MRPL40: variants seen among roughly 807,000 people sequenced by gnomAD.
MRPL40 encodes the protein large ribosomal subunit protein mL40.
A neutral mutation model predicts 24.5 loss-of-function variants in MRPL40; 18 were observed. The ratio of observed to expected loss-of-function variants is 0.73; its 90% CI spans 0.51 to 1.09. The LOEUF is 1.09. Among genes scored for constraint, MRPL40 ranks in the 50% least tolerant of loss-of-function variants. The probability of loss-of-function intolerance (pLI) is 0.00; values close to 1 mark genes in which losing one functional copy is unlikely to be tolerated. For missense variants in MRPL40, 256 were observed against 243.8 expected (o/e 1.05, Z -0.33); for synonymous variants, 108 against 94.6 (o/e 1.14, Z -0.82).
intron 2 of MRPL40, among the ~76,000 whole-genome samples, chr22:19,433,769 TC>T (rs1376599487): frequency 1.3e-5 from 2 of 150,192 alleles, no homozygotes; most frequent in African/African-American, 4.9e-5. Context: ...ATTTGATTTT[TC>T]TTTTTTTTTT....
intron 3 of MRPL40, among the ~76,000 whole-genome samples, chr22:19,435,226 C>T (rs1423486001): frequency 1.3e-5 from 2 of 152,192 alleles, no homozygotes; most frequent in Admixed American, 1.3e-4. Flanking sequence ...CTCATCCTAA[C>T]AGTAGAAAAC....
Position 19,436,068 on chromosome 22 carries a change from A to T in MRPL40, c.*106A>T. 9.9e-7 allele frequency: 1 copy of T among 1,013,182 alleles called. No homozygotes were observed. Among genetic ancestry groups the T allele is most frequent in the South Asian group, 1.7e-5 (1 of 60,362 alleles). The allele number at this position is 1,013,182 out of a possible 1,614,324, so 62.8% of individuals were successfully genotyped here. ...GCATGCTGTTAATAAATACTGGTTTAATCAAAATGCTCCTTTGTCTTGTGT... is the reference window on the plus strand; with the variant it reads ...GCATGCTGTTAATAAATACTGGTTTTATCAAAATGCTCCTTTGTCTTGTGT... On this transcript the variant is annotated 3_prime_UTR_variant, in exon 4 of 4. Transcript: ENST00000333130.
In MRPL40 at chr22:19,435,722, A is replaced by G; in HGVS notation, c.381A>G (p.Gln127=). 6.2e-7 allele frequency: 1 copy of G among 1,614,118 alleles called. No homozygotes were observed. Among genetic ancestry groups the G allele is most frequent in the Non-Finnish European group, 8.5e-7 (1 of 1,179,996 alleles). The change falls in exon 4 of 4, where the codon CAA becomes CAG. Residue 127 remains glutamine (Q), a synonymous_variant. Coordinates refer to ENST00000333130, the MANE Select transcript of MRPL40 (RefSeq NM_003776.4). ...LLKKWSLYKQ[Q]ERKMERDTIR... is the part of the protein sequence containing the mutation. ...AGAAGTGGTCCTTGTACAAGCAGCA[A>G]GAGCGTAAGATGGAGAGGGACACCA...
chr22:19,433,665 A>T (rs2089566750), intron 2 of MRPL40, among the ~76,000 whole-genome samples: 1 of 152,132 alleles, frequency 6.6e-6, no homozygotes, highest in South Asian at 2.1e-4. Context: ...GAGGCCCTGG[A>T]GAGTGTGGGG....
rs773331770 is a variant in MRPL40 at position 19,435,636 on chromosome 22, A to T, written c.297-2A>T. ...GATTGGTAACCCTTAGCTTCTTTGC[A>T]GAGAGCGGCCTCAGGTGGAGCTCAC... On this transcript the variant is annotated splice_acceptor_variant, in intron 3 of 3. Transcript: ENST00000333130. LOFTEE classifies it high-confidence loss of function. 1 of 1,608,962 alleles carries T rather than the reference A, an allele frequency of 6.2e-7. No homozygotes were observed. The highest frequency in any genetic ancestry group is 8.5e-7 in the Non-Finnish European group (1 of 1,177,114).
At chr22:19,434,672 C>T in intron 2 of MRPL40, 64 bp from the exon 3 acceptor site, 1 of 1,390,662 alleles carries the variant, frequency 7.2e-7, no homozygotes, top group Middle Eastern at 2.6e-4. Flanking sequence ...TACTTACCAT[C>T]TTGTCTCTCA....
intron 1 of MRPL40, chr22:19,432,899 T>C: frequency 7.8e-7 from 1 of 1,274,572 alleles, no homozygotes; most frequent in Non-Finnish European, 1.0e-6. Flanking sequence ...ATTGCAATTT[T>C]TTATTTTCCT....
rs150806674 is a variant in MRPL40 at position 19,435,806 on chromosome 22, G to A, written c.465G>A (p.Pro155=). 190 of 1,614,042 alleles carry A rather than the reference G, an allele frequency of 1.2e-4. No homozygotes were observed. Among genetic ancestry groups the A allele is most frequent in the Non-Finnish European group, 1.4e-4 (167 of 1,180,038 alleles). ...TGGAGGAACTGCAACTGGAATCCCC[G>A]AAGCTCCATGCTGAGGCCATCAAGC... The part of the protein sequence containing the change: ...EALEELQLES[P]KLHAEAIKRD... The change falls in exon 4 of 4, where the codon CCG becomes CCA. Residue 155 remains proline, a synonymous_variant. Transcript: ENST00000333130.
Position 19,434,895 on chromosome 22 carries a change from G to A in MRPL40, c.296+1G>A. The A allele has an allele frequency of 1.9e-6, 3 of 1,585,454 alleles. No individual in the cohort carries two copies. The highest frequency in any genetic ancestry group is 2.6e-6 in the Non-Finnish European group (3 of 1,171,642). ...CTCTAAAGTTCTTGGATAAAGCAAGGTAAGGATCCTTCTCTAGGGATGAAG... is the reference window on the plus strand; with the variant it reads ...CTCTAAAGTTCTTGGATAAAGCAAGATAAGGATCCTTCTCTAGGGATGAAG... On this transcript the variant is annotated splice_donor_variant, in intron 3 of 3. Transcript: ENST00000333130. LOFTEE classifies it high-confidence loss of function.
At chr22:19,434,630 C>A in intron 2 of MRPL40, 106 bp from the exon 3 acceptor site, 2 of 880,320 alleles carry the variant, frequency 2.3e-6, no homozygotes, top group Non-Finnish European at 3.4e-6. Context: ...TCATGCACAG[C>A]TCCTTCCCCC....
At chr22:19,433,171 CG>C in intron 1 of MRPL40, 93 bp from the exon 2 acceptor site, 1 of 790,898 alleles carries the variant, frequency 1.3e-6, no homozygotes, top group Non-Finnish European at 2.1e-6. Flanking sequence ...GCGATCCACC[CG>C]CCTCGGCCTC....
chr22:19,435,536 ATCT>A, intron 3 of MRPL40, 99 bp from the exon 4 acceptor site: 1 of 1,106,728 alleles, frequency 9.0e-7, no homozygotes, highest in Non-Finnish European at 1.3e-6. Context: ...AACTTGTTTT[ATCT>A]CCTAAGTCCT....
intron 1 of MRPL40, 188 bp downstream of exon 1, chr22:19,432,795 A>G (rs1055514855): frequency 2.2e-6 from 3 of 1,386,460 alleles, no homozygotes; most frequent in Non-Finnish European, 2.8e-6. Context: ...GTCCTGCTTA[A>G]GTCCTCTGTG....
Position 19,435,941 on chromosome 22 carries a change from A to AC in MRPL40, c.601dup (p.Gln201ProfsTer5), listed in dbSNP as rs1165979481. The AC allele has an allele frequency of 3.1e-6, 5 of 1,613,832 alleles. No individual in the cohort carries two copies. Among genetic ancestry groups the AC allele is most frequent in the Non-Finnish European group, 4.2e-6 (5 of 1,179,794 alleles). Reference sequence around the variant, plus strand: ...ACAATGACATCACCAAGGTGTACACACAAGTGGAGTTTAAGAGATAGACTT... The same window carrying AC: ...ACAATGACATCACCAAGGTGTACACACCAAGTGGAGTTTAAGAGATAGACTT... On this transcript the variant is annotated frameshift_variant, in exon 4 of 4. Coordinates refer to ENST00000333130, the MANE Select transcript of MRPL40 (RefSeq NM_003776.4). LOFTEE classifies it high-confidence loss of function.
rs755342136 is a variant in MRPL40, at chr22:19,435,712, A to G, written c.371A>G (p.Tyr124Cys). ...CTGCTTCTGAAGAAGTGGTCCTTGT[A>G]CAAGCAGCAAGAGCGTAAGATGGAG... The part of the protein sequence containing the change: ...RALLLKKWSL[Y>C]KQQERKMERD... The change falls in exon 4 of 4, where the codon TAC becomes TGC. Residue 124 changes from tyrosine (Y) to cysteine (C), a missense_variant. Transcript: ENST00000333130. 1.9e-6 allele frequency: 3 copies of G among 1,614,150 alleles called. No individual in the cohort carries two copies. The highest frequency in any genetic ancestry group is 2.5e-6 in the Non-Finnish European group (3 of 1,180,036).
Position 19,433,496 on chromosome 22 carries a change from T to C in MRPL40, c.137+148T>C. On this transcript the variant is annotated intron_variant, in intron 2 of 3. Transcript: ENST00000333130. ...ATTTAGGCCGATGCTTTTCTGTTTT[T>C]CCAACATTTTCCAAACCATAGATTG... 4 of 560,728 alleles carry C rather than the reference T, an allele frequency of 7.1e-6. No individual in the cohort carries two copies. The South Asian group carries it at 8.0e-5, about 11-fold the overall frequency. The allele number at this position is 560,728 out of a possible 1,614,324, so 34.7% of individuals were successfully genotyped here.
intron 3 of MRPL40, among the ~76,000 whole-genome samples, chr22:19,435,132 G>A (rs9617792): frequency 0.086 from 13,164 of 152,208 alleles, 1,889 homozygotes; most frequent in African/African-American, 0.3. Context: ...CTTAAGCACT[G>A]CTCTGGAGTT....
At chr22:19,435,020 A>G in intron 3 of MRPL40, 126 bp downstream of exon 3, 1 of 801,572 alleles carries the variant, frequency 1.2e-6, no homozygotes, top group Non-Finnish European at 2.0e-6. Context: ...CTTGGCCCTA[A>G]TGAGTCCTTG....
In MRPL40 at chr22:19,436,019, C is replaced by A; in HGVS notation, c.*57C>A. On this transcript the variant is annotated 3_prime_UTR_variant, in exon 4 of 4. Transcript: ENST00000333130. The stretch of plus-strand genomic sequence containing the variant: ...CCTGAGAGTAGGAATGACCAGGGTT[C>A]AAGTCTGCTTTCCACAGAATCAGGC... 7.2e-7 allele frequency: 1 copy of A among 1,392,488 alleles called. No homozygotes were observed. Among genetic ancestry groups the A allele is most frequent in the Non-Finnish European group, 1.0e-6 (1 of 1,002,736 alleles). 86.3% of individuals were successfully genotyped at this position (1,392,488 alleles called of 1,614,324 possible). A position where few individuals can be genotyped will look rare whatever the true frequency, so the allele number is the denominator to read the frequency against.
Sources: allele counts gnomAD v4.1 joint callset (sites outside exome capture counted in the v4.1 genomes callset), GRCh38; gene constraint gnomAD v4.1.1; transcripts MANE v1.5; gene names NCBI Gene and HGNC (gene_info 2026-07-23, HGNC 2026-07-21).